EFHB: variants seen among roughly 807,000 people sequenced by gnomAD.
The protein encoded by EFHB is EF-hand domain-containing family member B.
In EFHB, 91 loss-of-function variants were observed where a neutral mutation model predicts 87.2. That is an observed-to-expected ratio of 1.04 (90% CI 0.88 to 1.24). The LOEUF is 1.24. Among genes scored for constraint, EFHB ranks in the 50% most tolerant of loss-of-function variants. The probability of loss-of-function intolerance (pLI) is 0.00; values close to 1 mark genes in which losing one functional copy is unlikely to be tolerated. For synonymous variants in EFHB, 325 were observed against 333.6 expected, an observed-to-expected ratio of 0.97 and a Z score of 0.28; for missense variants, 1,084 against 998.8, an observed-to-expected ratio of 1.09 and a Z score of -1.15.
intron 9 of EFHB, 61 bp downstream of exon 9, chr3:19,896,626 C>T (rs764802118): frequency 1.2e-6 from 2 of 1,610,966 alleles, no homozygotes; most frequent in South Asian, 2.2e-5. Flanking sequence ...CCCTGATCTA[C>T]ACCAAACTGC....
At chr3:19,917,261 T>G (rs1008196252) in intron 4 of EFHB, among the ~76,000 whole-genome samples, 2 of 150,572 alleles carry the variant, frequency 1.3e-5, no homozygotes, top group Non-Finnish European at 3.0e-5. Flanking sequence ...TTCATATATA[T>G]AGAAACATAA....
intron 5 of EFHB, 119 bp from the exon 6 acceptor site, chr3:19,905,868 A>C (rs1435942679): frequency 7.9e-7 from 1 of 1,268,450 alleles, no homozygotes; most frequent in Non-Finnish European, 1.1e-6. Flanking sequence ...ATGAAATTGT[A>C]ACAGTGCAGA....
chr3:19,905,489 ATTTTTTTCT>A, intron 6 of EFHB, 122 bp downstream of exon 6: 2 of 1,061,628 alleles, frequency 1.9e-6, no homozygotes, highest in Non-Finnish European at 2.7e-6. Context: ...TGTTTTTTCT[ATTTTTTTCT>A]AGTCATCTTG....
rs1695405142 is a variant in EFHB, at chr3:19,920,579, A to C, written c.790-12T>G. 7 of 1,589,468 alleles carry C rather than the reference A, an allele frequency of 4.4e-6. No individual in the cohort carries two copies. The highest frequency in any genetic ancestry group is 6.0e-6 in the Non-Finnish European group (7 of 1,171,062). On this transcript the variant is annotated splice_polypyrimidine_tract_variant and intron_variant, in intron 1 of 12. Transcript: ENST00000295824. ...ATAACTTTTCCTGCCTTTGGGGGAA[A>C]AAAATGGGTTGATCATTGCCAGGGT...
intron 9 of EFHB, chr3:19,896,461 A>G (rs563061110): frequency 1.6e-5 from 10 of 619,352 alleles, no homozygotes; most frequent in Non-Finnish European, 2.6e-5. Flanking sequence ...AAGGCCATAC[A>G]GTTTTTGTTG....
chr3:19,939,725 A>G (rs538224304), intron 1 of EFHB, among the ~76,000 whole-genome samples: 1 of 101,014 alleles, frequency 9.9e-6, no homozygotes, highest in East Asian at 2.2e-4. Context: ...CCTCAAACTT[A>G]TTTGTAACAG....
intron 5 of EFHB, among the ~76,000 whole-genome samples, chr3:19,912,308 TGAAGA>T (rs1347491994): frequency 6.6e-6 from 1 of 152,108 alleles, no homozygotes; most frequent in Non-Finnish European, 1.5e-5. Flanking sequence ...TTTAAAGTGC[TGAAGA>T]GAAGAAACTT....
intron 6 of EFHB, 62 bp downstream of exon 6, chr3:19,905,558 C>A (rs913531723): frequency 1.3e-6 from 2 of 1,532,896 alleles, no homozygotes; most frequent in Non-Finnish European, 8.9e-7. Flanking sequence ...GTTTAAAAAT[C>A]AACTTTTCTT....
chr3:19,931,619 A>G (rs943894148), intron 1 of EFHB, among the ~76,000 whole-genome samples: 4 of 152,220 alleles, frequency 2.6e-5, no homozygotes, highest in Admixed American at 2.6e-4. Context: ...TTATTTTCAA[A>G]TTTCAGTGTG....
At chr3:19,895,264 G>A (rs1298076750) in intron 9 of EFHB, among the ~76,000 whole-genome samples, 14 of 151,634 alleles carry the variant, frequency 9.2e-5, no homozygotes, top group Non-Finnish European at 1.9e-4. Context: ...GGTGGGTCAC[G>A]AGGTCAGGAG....
At chr3:19,907,440 T>A (rs936745851) in intron 5 of EFHB, among the ~76,000 whole-genome samples, 1 of 152,190 alleles carries the variant, frequency 6.6e-6, no homozygotes, top group Non-Finnish European at 1.5e-5. Context: ...CCACCATTGT[T>A]ATGGAAATCC....
upstream of EFHB, among the ~76,000 whole-genome samples, chr3:19,938,603 ATG>A (rs1379216996): frequency 1.3e-5 from 2 of 152,190 alleles, no homozygotes; most frequent in Non-Finnish European, 2.9e-5. Context: ...AAAATAAGAG[ATG>A]TGGGTCAACA....
chr3:19,914,870 G>A (rs1186317568), intron 5 of EFHB, among the ~76,000 whole-genome samples: 9 of 151,964 alleles, frequency 5.9e-5, no homozygotes, highest in African/African-American at 1.7e-4. Context: ...TGGGAGGATC[G>A]CTTGAGCTCA....
At chr3:19,898,308 T>C (rs1308266808) in intron 8 of EFHB, among the ~76,000 whole-genome samples, 1 of 152,190 alleles carries the variant, frequency 6.6e-6, no homozygotes, top group African/African-American at 2.4e-5. Context: ...GTGCTTAAAA[T>C]TCACCTGGAA....
chr3:19,925,953 T>G (rs1695609110), intron 1 of EFHB, among the ~76,000 whole-genome samples: 1 of 152,206 alleles, frequency 6.6e-6, no homozygotes. Context: ...ATTCCCTTTC[T>G]GCCCAGAAGA....
chr3:19,880,393 G>C (rs946629773), intron 12 of EFHB, among the ~76,000 whole-genome samples: 9 of 151,982 alleles, frequency 5.9e-5, no homozygotes, highest in African/African-American at 2.2e-4. Flanking sequence ...GGGATTACAG[G>C]TGTGTGCCAC....
chr3:19,898,495 G>A (rs949909100), intron 8 of EFHB, among the ~76,000 whole-genome samples: 2 of 152,060 alleles, frequency 1.3e-5, no homozygotes, highest in African/African-American at 4.8e-5. Flanking sequence ...ACTTTGGCTT[G>A]TTTAATATAG....
intron 1 of EFHB, among the ~76,000 whole-genome samples, chr3:19,925,694 CT>C (rs1695599976): frequency 6.6e-6 from 1 of 152,124 alleles, no homozygotes; most frequent in African/African-American, 2.4e-5. Flanking sequence ...GGCCAAGTAC[CT>C]CTTTCATTTA....
rs1489333981 is a variant in EFHB, at chr3:19,902,996, G to A, written c.1418+2624C>T. On this transcript the variant is annotated intron_variant, in intron 6 of 12. Transcript: ENST00000295824. ...GTTCAAGACCAGCCTGACGATCATG[G>A]TGAAACCCCATCTCTACTAAAAATA... Among the ~76,000 whole-genome samples the A allele has an allele frequency of 4.6e-5, 7 of 151,984 alleles. No homozygotes were observed. The East Asian group carries it at 1.2e-3, about 25-fold the overall frequency.
Sources: gnomAD v4.1 joint callset for allele counts (sites outside exome capture counted in the v4.1 genomes callset) on GRCh38, gnomAD v4.1.1 for gene constraint, MANE v1.5 for transcripts, NCBI Gene and HGNC (gene_info 2026-07-23, HGNC 2026-07-21) for gene names.